The following WNT10B variants were observed in gnomAD, a reference collection of about 807,000 sequenced individuals.
WNT10B encodes protein Wnt-10b.
A neutral mutation model predicts 32.7 loss-of-function variants in WNT10B; 26 were observed. That is an observed-to-expected ratio of 0.79 (90% CI 0.58 to 1.10). The LOEUF (loss-of-function observed/expected upper bound fraction) is 1.10, where lower values mean the gene tolerates loss of function less well. Ranked by LOEUF, WNT10B falls within the 50% of genes least tolerant of loss-of-function variation. The probability of loss-of-function intolerance (pLI) is 0.00; values close to 1 mark genes in which losing one functional copy is unlikely to be tolerated. For synonymous variants in WNT10B, 204 were observed against 220.4 expected, an observed-to-expected ratio of 0.93 and a Z score of 0.66; for missense variants, 474 against 532.5, an observed-to-expected ratio of 0.89 and a Z score of 1.08.
rs576868482 is a variant in WNT10B at position 48,970,979 on chromosome 12, G to A, written c.-40-410C>T. On this transcript the variant is annotated intron_variant, in intron 1 of 4. Coordinates refer to ENST00000301061, the MANE Select transcript of WNT10B (RefSeq NM_003394.4). The surrounding 1 kb of genome is among the most constrained non-coding windows in gnomAD (Gnocchi z 5.0). ...GGCTAGGGAGAGGGATAGGGAGGAGGTTCCCCACCACCTAAGGGGGTGTCA... is the reference window on the plus strand; with the variant it reads ...GGCTAGGGAGAGGGATAGGGAGGAGATTCCCCACCACCTAAGGGGGTGTCA... 102 of 224,830 alleles carry A rather than the reference G, an allele frequency of 4.5e-4. 3 individuals are homozygous for A. In the South Asian group the frequency reaches 6.5e-3, roughly 14 times the overall value. The allele number at this position is 224,830 out of a possible 1,614,324, so 13.9% of individuals were successfully genotyped here.
At chr12:48,971,197 C>T (rs1365024508) in intron 1 of WNT10B, among the ~76,000 whole-genome samples, 1 of 152,234 alleles carries the variant, frequency 6.6e-6, no homozygotes, top group Non-Finnish European at 1.5e-5. Context: ...TATCCCCCAC[C>T]TTGCCTAACT....
Position 48,968,090 on chromosome 12 carries a change from G to C in WNT10B, c.567C>G (p.Gly189=), listed in dbSNP as rs762627605. 11 of 1,614,240 alleles carry C rather than the reference G, an allele frequency of 6.8e-6. No homozygotes were observed. Among genetic ancestry groups the C allele is most frequent in the South Asian group, 1.1e-5 (1 of 91,086 alleles). ...CACCCCATTCCCATGTGTCCTGGGG[G>C]CCAGGGCTGGGGCTTGAGCCAGGGC... ...SPGPGSSPSP[G]PQDTWEWGGC... is the part of the protein sequence containing the mutation. The change falls in exon 4 of 5, where the codon GGC becomes GGG. Residue 189 remains glycine (G), a synonymous_variant. Transcript: ENST00000301061.
chr12:48,970,374 G>A lies in WNT10B; in HGVS notation c.75-23C>T, dbSNP rs1253923566. ...GCCCTGGGAACCAAGAAGGCGTCTGGGGTCTGCGGTCCAGACCCCTCCAAC... is the reference window on the plus strand; with the variant it reads ...GCCCTGGGAACCAAGAAGGCGTCTGAGGTCTGCGGTCCAGACCCCTCCAAC... On this transcript the variant is annotated intron_variant, in intron 2 of 4. Transcript: ENST00000301061. This position sits in a 1 kb window ranked among gnomAD's most constrained non-coding sequence, Gnocchi z 5.0. 2 of 1,614,064 alleles carry A rather than the reference G, an allele frequency of 1.2e-6. No homozygotes were observed. The highest frequency in any genetic ancestry group is 3.3e-5 in the Admixed American group (2 of 60,028).
Position 48,970,116 on chromosome 12 carries a change from G to A in WNT10B, c.310C>T (p.Pro104Ser). 3 of 1,527,596 alleles carry A rather than the reference G, an allele frequency of 2.0e-6. No individual in the cohort carries two copies. The highest frequency in any genetic ancestry group is 2.6e-6 in the Non-Finnish European group (3 of 1,140,984). 94.6% of individuals were successfully genotyped at this position (1,527,596 alleles called of 1,614,324 possible). A position where few individuals can be genotyped will look rare whatever the true frequency, so the allele number is the denominator to read the frequency against. The change falls in exon 3 of 5, where the codon CCG becomes TCG. Residue 104 changes from proline (P) to serine (S), a missense_variant. Pro to Ser is a moderately conservative substitution (Grantham distance 74, BLOSUM62 -1). Transcript: ENST00000301061. The surrounding 1 kb of genome is among the most constrained non-coding windows in gnomAD (Gnocchi z 5.0). Reference sequence around the variant, plus strand: ...CGCTTGAGGATGGCGCTGTGGTGCGGCAGGCGGCCGCCGCCCTCAAGCGCG... The same window carrying A: ...CGCTTGAGGATGGCGCTGTGGTGCGACAGGCGGCCGCCGCCCTCAAGCGCG... ...CSALEGGGRL[P>S]HHSAILKRGF...
Position 48,970,847 on chromosome 12 carries a change from A to C in WNT10B, c.-40-278T>G, listed in dbSNP as rs1940841236. The C allele has an allele frequency of 2.0e-6, 1 of 501,474 alleles. No homozygotes were observed. Among genetic ancestry groups the C allele is most frequent in the East Asian group, 3.5e-5 (1 of 28,332 alleles). The allele number at this position is 501,474 out of a possible 1,614,324, so 31.1% of individuals were successfully genotyped here. A position where few individuals can be genotyped will look rare whatever the true frequency, so the allele number is the denominator to read the frequency against. ...GACACAACGCCCGGCACACAGACACACACTCACTTGCAAACTCAGACACAC... is the reference window on the plus strand; with the variant it reads ...GACACAACGCCCGGCACACAGACACCCACTCACTTGCAAACTCAGACACAC... On this transcript the variant is annotated intron_variant, in intron 1 of 4. Coordinates refer to ENST00000301061, the MANE Select transcript of WNT10B (RefSeq NM_003394.4). This position sits in a 1 kb window ranked among gnomAD's most constrained non-coding sequence, Gnocchi z 5.0.
rs375308208 is a variant in WNT10B at position 48,966,393 on chromosome 12, T to C, written c.872A>G (p.Asn291Ser). The change falls in exon 5 of 5, where the codon AAT becomes AGT. Residue 291 changes from asparagine to serine, a missense_variant. Transcript: ENST00000301061. The part of the protein sequence containing the change: ...RAIFIDTHNR[N>S]SGAFQPRLRP... ...CAGACGGGGCTGGAAGGCTCCAGAATTGCGGTTGTGGGTATCAATGAAGAT... is the reference window on the plus strand; with the variant it reads ...CAGACGGGGCTGGAAGGCTCCAGAACTGCGGTTGTGGGTATCAATGAAGAT... 3 of 1,613,974 alleles carry C rather than the reference T, an allele frequency of 1.9e-6. No homozygotes were observed. The highest frequency in any genetic ancestry group is 2.2e-5 in the East Asian group (1 of 44,882).
chr12:48,967,862 T>G, intron 4 of WNT10B, 84 bp downstream of exon 4: 1 of 1,566,152 alleles, frequency 6.4e-7, no homozygotes, highest in Non-Finnish European at 8.6e-7. Flanking sequence ...TCATCACACT[T>G]TATCCTATCA....
At position 48,969,733 on chromosome 12, in the gene WNT10B, G is replaced by C. The variant is rs1940810298; in HGVS notation, c.337+356C>G. 4.6e-5 allele frequency among the ~76,000 whole-genome samples: 7 copies of C among 151,886 alleles called. No individual in the cohort carries two copies. The South Asian group carries it at 1.5e-3, about 32-fold the overall frequency. Reference sequence around the variant, plus strand: ...CAGCCTGGGCTTGTCCAGCCAAGATGGGGGGAGAGAAAATGGTGGAGGGAA... The same window carrying C: ...CAGCCTGGGCTTGTCCAGCCAAGATCGGGGGAGAGAAAATGGTGGAGGGAA... On this transcript the variant is annotated intron_variant, in intron 3 of 4. Coordinates refer to ENST00000301061, the MANE Select transcript of WNT10B (RefSeq NM_003394.4).
At chr12:48,971,393 A>G (rs1940852942) in intron 1 of WNT10B, 62 bp downstream of exon 1, 1 of 152,244 alleles carries the variant, frequency 6.6e-6, no homozygotes. Context: ...CTGACTACAC[A>G]CGTGCCTGTC....
intron 4 of WNT10B, among the ~76,000 whole-genome samples, chr12:48,966,828 A>G (rs899570036): frequency 1.3e-5 from 2 of 152,178 alleles, no homozygotes; most frequent in Non-Finnish European, 2.9e-5. Context: ...CTGACTCCCA[A>G]TCCAGTGCTC....
chr12:48,966,063 C>G lies in WNT10B; in HGVS notation c.*32G>C, dbSNP rs1940724633. 3.1e-6 allele frequency: 5 copies of G among 1,612,318 alleles called. No individual in the cohort carries two copies. The highest frequency in any genetic ancestry group is 3.4e-6 in the Non-Finnish European group (4 of 1,179,508). On this transcript the variant is annotated 3_prime_UTR_variant, in exon 5 of 5. Coordinates refer to ENST00000301061, the MANE Select transcript of WNT10B (RefSeq NM_003394.4). ...TGAAAAGGCGCCCCTCTCACACAGT[C>G]CTCTTCCCCAGCCCCAAGGTAAGGC...
At chr12:48,969,738 G>A (rs1211002660) in intron 3 of WNT10B, among the ~76,000 whole-genome samples, 5 of 151,614 alleles carry the variant, frequency 3.3e-5, no homozygotes, top group African/African-American at 7.3e-5. Flanking sequence ...AAGATGGGGG[G>A]AGAGAAAATG....
At chr12:48,968,976 A>G (rs1940795448) in intron 3 of WNT10B, 1 of 431,792 alleles carries the variant, frequency 2.3e-6, no homozygotes, top group Non-Finnish European at 4.8e-6. Context: ...CCTATAAAAC[A>G]CTGAGAGGAG....
Position 48,965,953 on chromosome 12 carries a change from C to A in WNT10B, c.*142G>T. Reference sequence around the variant, plus strand: ...CACATCCCAGAGTCCACCTGACCCCCACCACCCCTAAAGCTGTTTCCAGGT... The same window carrying A: ...CACATCCCAGAGTCCACCTGACCCCAACCACCCCTAAAGCTGTTTCCAGGT... On this transcript the variant is annotated 3_prime_UTR_variant, in exon 5 of 5. Coordinates refer to ENST00000301061, the MANE Select transcript of WNT10B (RefSeq NM_003394.4). 1 of 1,028,626 alleles carries A rather than the reference C, an allele frequency of 9.7e-7. No individual in the cohort carries two copies. The highest frequency in any genetic ancestry group is 1.4e-6 in the Non-Finnish European group (1 of 699,514). 63.7% of individuals were successfully genotyped at this position (1,028,626 alleles called of 1,614,324 possible). A position where few individuals can be genotyped will look rare whatever the true frequency, so the allele number is the denominator to read the frequency against.
chr12:48,966,604 A>G, intron 4 of WNT10B, 51 bp from the exon 5 acceptor site: 2 of 1,597,482 alleles, frequency 1.3e-6, no homozygotes, highest in Non-Finnish European at 1.7e-6. Context: ...AAATGGACAG[A>G]ACACAGAGGC....
rs1358418753 is a variant in WNT10B at position 48,966,070 on chromosome 12, C to T, written c.*25G>A. 3.1e-6 allele frequency: 5 copies of T among 1,612,884 alleles called. No individual in the cohort carries two copies. The highest frequency in any genetic ancestry group is 1.6e-4 in the Middle Eastern group (1 of 6,084). ...GCGCCCCTCTCACACAGTCCTCTTCCCCAGCCCCAAGGTAAGGCTGACCCT... is the reference window on the plus strand; with the variant it reads ...GCGCCCCTCTCACACAGTCCTCTTCTCCAGCCCCAAGGTAAGGCTGACCCT... On this transcript the variant is annotated 3_prime_UTR_variant, in exon 5 of 5. Transcript: ENST00000301061.
intron 4 of WNT10B, among the ~76,000 whole-genome samples, chr12:48,967,630 AAT>A (rs1940762817): frequency 6.6e-6 from 1 of 151,936 alleles, no homozygotes; most frequent in South Asian, 2.1e-4. Flanking sequence ...AATTTTTTTA[AAT>A]ATAGAGATGG....
intron 4 of WNT10B, among the ~76,000 whole-genome samples, chr12:48,967,103 G>A (rs1003816044): frequency 1.3e-5 from 2 of 151,644 alleles, no homozygotes; most frequent in Non-Finnish European, 2.9e-5. Flanking sequence ...CGATTCTCCT[G>A]CCTCAGCCTA....
rs1397322294 is a variant in WNT10B, at chr12:48,970,101, T to C, written c.325A>G (p.Ile109Val). ...CAGCCAGGCTCACCGCGCTTGAGGA[T>C]GGCGCTGTGGTGCGGCAGGCGGCCG... The part of the protein sequence containing the change: ...GGGRLPHHSA[I>V]LKRGFRESAF... The change falls in exon 3 of 5, where the codon ATC (isoleucine) becomes GTC (valine). Residue 109 changes from isoleucine (I) to valine (V), a missense_variant. Ile to Val is a conservative substitution (Grantham distance 29, BLOSUM62 3). Coordinates refer to ENST00000301061, the MANE Select transcript of WNT10B (RefSeq NM_003394.4). The surrounding 1 kb of genome is among the most constrained non-coding windows in gnomAD (Gnocchi z 5.0). The C allele has an allele frequency of 6.6e-7, 1 of 1,525,112 alleles. No homozygotes were observed. The highest frequency in any genetic ancestry group is 2.0e-5 in the Admixed American group (1 of 51,150). 94.5% of individuals were successfully genotyped at this position (1,525,112 alleles called of 1,614,324 possible).
Sources: gnomAD v4.1 joint callset for allele counts (sites outside exome capture counted in the v4.1 genomes callset) on GRCh38, gnomAD v4.1.1 for gene constraint, Gnocchi (gnomAD v3.1) non-coding constraint, MANE v1.5 for transcripts, NCBI Gene and HGNC (gene_info 2026-07-23, HGNC 2026-07-21) for gene names.